The following PTPRR variants were observed in gnomAD, a reference collection of about 807,000 sequenced individuals.
PTPRR encodes receptor-type tyrosine-protein phosphatase R.
In PTPRR, 38 loss-of-function variants were observed where a neutral mutation model predicts 77.2. That is an observed-to-expected ratio of 0.49 (90% confidence interval 0.38 to 0.65). The LOEUF (loss-of-function observed/expected upper bound fraction) is 0.65. PTPRR is among the 30% of genes least tolerant of loss of function. The pLI, the probability that PTPRR is intolerant of heterozygous loss-of-function variation, is 0.00. For synonymous variants in PTPRR, 299 were observed against 283.1 expected (o/e 1.06, Z -0.57); for missense variants, 744 against 799.2 (o/e 0.93, Z 0.83).
At chr12:70,763,779 C>A (rs1028413661) in intron 3 of PTPRR, among the ~76,000 whole-genome samples, 1 of 152,108 alleles carries the variant, frequency 6.6e-6, no homozygotes, top group African/African-American at 2.4e-5. Flanking sequence ...TCCCAAAGTT[C>A]CTTTTCACAT....
intron 6 of PTPRR, among the ~76,000 whole-genome samples, chr12:70,738,092 T>A (rs1344907014): frequency 6.6e-6 from 1 of 152,180 alleles, no homozygotes; most frequent in Non-Finnish European, 1.5e-5. Context: ...GGTCAACATT[T>A]TCATGGCATG....
At chr12:70,916,886 C>G (rs1893782965) in intron 1 of PTPRR, among the ~76,000 whole-genome samples, 1 of 152,136 alleles carries the variant, frequency 6.6e-6, no homozygotes, top group South Asian at 2.1e-4. Flanking sequence ...AAGAACAACA[C>G]AGAAATTTGA....
At chr12:70,820,650 G>T (rs2137039811) in intron 2 of PTPRR, among the ~76,000 whole-genome samples, 1 of 152,226 alleles carries the variant, frequency 6.6e-6, no homozygotes. Context: ...TTTCAATGAG[G>T]TCTCATCCTT....
chr12:70,849,422 TC>T (rs1392453039), intron 2 of PTPRR, among the ~76,000 whole-genome samples: 1 of 152,186 alleles, frequency 6.6e-6, no homozygotes, highest in Non-Finnish European at 1.5e-5. Flanking sequence ...TAACGTTTTG[TC>T]AGTTTGTAGT....
chr12:70,739,869 G>A (rs2136911810), intron 6 of PTPRR, among the ~76,000 whole-genome samples: 1 of 152,212 alleles, frequency 6.6e-6, no homozygotes, highest in South Asian at 2.1e-4. Context: ...ATGTGGACAG[G>A]AGCGCAGCAC....
At chr12:70,715,171 C>T (rs1432095261) in intron 6 of PTPRR, among the ~76,000 whole-genome samples, 2 of 152,004 alleles carry the variant, frequency 1.3e-5, no homozygotes, top group African/African-American at 2.4e-5. Context: ...GCTGGGCGTC[C>T]GGGGGAGATA....
intron 1 of PTPRR, among the ~76,000 whole-genome samples, chr12:70,895,817 T>A (rs1893418405): frequency 6.6e-6 from 1 of 151,734 alleles, no homozygotes; most frequent in Non-Finnish European, 1.5e-5. Context: ...TATTTCCTCC[T>A]TCACTTCAGC....
At chr12:70,896,794 T>G (rs1405199202) in intron 1 of PTPRR, among the ~76,000 whole-genome samples, 1 of 151,798 alleles carries the variant, frequency 6.6e-6, no homozygotes, top group East Asian at 1.9e-4. Context: ...TTGTATCAGG[T>G]GTAAGGAAGG....
rs577915952 is a variant in PTPRR at position 70,716,242 on chromosome 12, T to C, written c.1008-14919A>G. Among the ~76,000 whole-genome samples the C allele has an allele frequency of 6.6e-5, 10 of 152,216 alleles. No individual in the cohort carries two copies. The East Asian group carries it at 1.4e-3, about 21-fold the overall frequency. On this transcript the variant is annotated intron_variant, in intron 6 of 13. Transcript: ENST00000283228. ...CTAGACATGCTAGAAAACACTCAGA[T>C]TGGGTCCACTATATATGTACTCTAA...
Position 70,920,685 on chromosome 12 carries a change from G to T in PTPRR, c.-295C>A. ...CAGAAGCCAAGGCGGAGACGGCAGG[G>T]TGGACTCCGCGCCAGCCCAGCAGCC... On this transcript the variant is annotated 5_prime_UTR_variant, in exon 1 of 14. Transcript: ENST00000283228. 1 of 362,138 alleles carries T rather than the reference G, an allele frequency of 2.8e-6. No individual in the cohort carries two copies. The allele number at this position is 362,138 out of a possible 1,614,324, so 22.4% of individuals were successfully genotyped here.
chr12:70,685,681 CA>C (rs1257656510), intron 8 of PTPRR, among the ~76,000 whole-genome samples: 1 of 151,240 alleles, frequency 6.6e-6, no homozygotes, highest in Non-Finnish European at 1.5e-5. Flanking sequence ...CAAAACAAAA[CA>C]AAAAACTATG....
At chr12:70,793,653 A>C (rs983595672) in intron 2 of PTPRR, among the ~76,000 whole-genome samples, 1 of 152,190 alleles carries the variant, frequency 6.6e-6, no homozygotes, top group Non-Finnish European at 1.5e-5. Flanking sequence ...TCTTCACCAC[A>C]ACAATGTTCC....
At chr12:70,822,720 T>G (rs1204379145) in intron 2 of PTPRR, among the ~76,000 whole-genome samples, 1 of 152,198 alleles carries the variant, frequency 6.6e-6, no homozygotes, top group African/African-American at 2.4e-5. Context: ...AAGGCAGGGT[T>G]GCCAATAAAT....
intron 2 of PTPRR, among the ~76,000 whole-genome samples, chr12:70,861,671 C>T (rs545997331): frequency 4.6e-5 from 7 of 152,194 alleles, no homozygotes; most frequent in African/African-American, 1.4e-4. Flanking sequence ...TCACAGAGAC[C>T]TTTGTTTAGT....
intron 6 of PTPRR, among the ~76,000 whole-genome samples, chr12:70,701,559 G>A (rs1430536113): frequency 6.6e-6 from 1 of 152,120 alleles, no homozygotes; most frequent in Non-Finnish European, 1.5e-5. Context: ...TATAATTTAT[G>A]AATGCATATA....
At chr12:70,852,969 C>T (rs748313295) in intron 2 of PTPRR, among the ~76,000 whole-genome samples, 34 of 152,160 alleles carry the variant, frequency 2.2e-4, no homozygotes, top group Non-Finnish European at 4.7e-4. Flanking sequence ...GGGAGATTAC[C>T]GTGGCAAATT....
chr12:70,776,070 A>T (rs1490784602), intron 2 of PTPRR, among the ~76,000 whole-genome samples: 1 of 151,976 alleles, frequency 6.6e-6, no homozygotes, highest in Non-Finnish European at 1.5e-5. Context: ...TGAATGTCCC[A>T]CTTACACTTC....
chr12:70,644,744 A>G (rs1246064228), intron 13 of PTPRR, among the ~76,000 whole-genome samples: 1 of 152,170 alleles, frequency 6.6e-6, no homozygotes, highest in African/African-American at 2.4e-5. Flanking sequence ...TGAGGCCCCC[A>G]AAGACCCTGG....
At chr12:70,888,476 C>T (rs1032446410) in intron 2 of PTPRR, among the ~76,000 whole-genome samples, 27 of 152,010 alleles carry the variant, frequency 1.8e-4, no homozygotes, top group African/African-American at 6.5e-4. Context: ...TGTTGTTTAA[C>T]CAACTTTCTT....
Sources: gnomAD v4.1 joint callset for allele counts (sites outside exome capture counted in the v4.1 genomes callset) on GRCh38, gnomAD v4.1.1 for gene constraint, MANE v1.5 for transcripts, NCBI Gene and HGNC (gene_info 2026-07-23, HGNC 2026-07-21) for gene names.